SLC9A9: variants seen among roughly 807,000 people sequenced by gnomAD.
SLC9A9 encodes the protein solute carrier family 9 member A9.
In SLC9A9, 62 loss-of-function variants were observed where a neutral mutation model predicts 77.8. The observed-to-expected ratio is 0.80, with a 90% CI of 0.65 to 0.98. The LOEUF (loss-of-function observed/expected upper bound fraction) is 0.98. Ranked by LOEUF, SLC9A9 falls within the 50% of genes least tolerant of loss-of-function variation. The pLI is 0.00. For synonymous variants in SLC9A9, 320 were observed against 283.5 expected (o/e 1.13, Z -1.29); for missense variants, 775 against 774.9 (o/e 1.00, Z 0.00).
At chr3:143,449,881 T>G (rs2034957912) in intron 12 of SLC9A9, among the ~76,000 whole-genome samples, 1 of 79,298 alleles carries the variant, frequency 1.3e-5, no homozygotes, top group Admixed American at 2.4e-4. Flanking sequence ...TATAATTATA[T>G]AAATATATAA....
chr3:143,822,489 G>T (rs753575722), intron 2 of SLC9A9, among the ~76,000 whole-genome samples: 1 of 152,202 alleles, frequency 6.6e-6, no homozygotes, highest in Non-Finnish European at 1.5e-5. Context: ...CTCCAGGCAA[G>T]CTTAAAAGGC....
At chr3:143,510,081 GA>G (rs2036091035) in intron 9 of SLC9A9, among the ~76,000 whole-genome samples, 1 of 152,172 alleles carries the variant, frequency 6.6e-6, no homozygotes, top group Non-Finnish European at 1.5e-5. Flanking sequence ...GGATATGAAA[GA>G]AAGTTGATGT....
intron 11 of SLC9A9, among the ~76,000 whole-genome samples, chr3:143,484,118 T>C (rs1259845241): frequency 3.3e-5 from 5 of 152,244 alleles, no homozygotes; most frequent in African/African-American, 9.6e-5. Flanking sequence ...TCATCTAAAC[T>C]TATTCATGAA....
At chr3:143,282,206 C>T (rs534129312) in intron 14 of SLC9A9, among the ~76,000 whole-genome samples, 1 of 152,110 alleles carries the variant, frequency 6.6e-6, no homozygotes, top group South Asian at 2.1e-4. Flanking sequence ...AGTTGCTTCT[C>T]TTACCTTTAT....
At chr3:143,633,724 C>G (rs2038465869) in intron 6 of SLC9A9, among the ~76,000 whole-genome samples, 1 of 152,164 alleles carries the variant, frequency 6.6e-6, no homozygotes, top group African/African-American at 2.4e-5. Context: ...GCTATACACA[C>G]ACAAGATCTA....
chr3:143,754,276 A>G (rs533240706), intron 4 of SLC9A9, among the ~76,000 whole-genome samples: 1 of 152,200 alleles, frequency 6.6e-6, no homozygotes, highest in Admixed American at 6.5e-5. Flanking sequence ...AAAAGTCCCA[A>G]TATGGTAACC....
chr3:143,810,241 G>C (rs2008828699), intron 2 of SLC9A9, among the ~76,000 whole-genome samples: 1 of 152,164 alleles, frequency 6.6e-6, no homozygotes, highest in Non-Finnish European at 1.5e-5. Flanking sequence ...TATGTACCAA[G>C]TTAATTTCCA....
intron 6 of SLC9A9, among the ~76,000 whole-genome samples, chr3:143,619,259 C>A (rs1413664042): frequency 1.3e-5 from 2 of 152,152 alleles, no homozygotes; most frequent in East Asian, 3.9e-4. Context: ...AAATCCCAGA[C>A]AGTGTTCAGT....
intron 1 of SLC9A9, among the ~76,000 whole-genome samples, chr3:143,832,828 G>A (rs775778619): frequency 6.6e-6 from 1 of 151,766 alleles, no homozygotes; most frequent in Non-Finnish European, 1.5e-5. Context: ...CAGAACCTAG[G>A]TGTTGAAGGA....
chr3:143,276,623 G>A (rs1938056639), intron 14 of SLC9A9, among the ~76,000 whole-genome samples: 1 of 152,184 alleles, frequency 6.6e-6, no homozygotes, highest in African/African-American at 2.4e-5. Flanking sequence ...ATTGTTTTCT[G>A]TAGGGGCTTC....
At chr3:143,337,875 G>A (rs935295388) in intron 14 of SLC9A9, among the ~76,000 whole-genome samples, 1 of 152,172 alleles carries the variant, frequency 6.6e-6, no homozygotes, top group African/African-American at 2.4e-5. Flanking sequence ...ATCTGCCTGG[G>A]TTCTTTCTTG....
chr3:143,660,035 G>A (rs2038956492), intron 5 of SLC9A9, among the ~76,000 whole-genome samples: 1 of 152,198 alleles, frequency 6.6e-6, no homozygotes, highest in East Asian at 1.9e-4. Context: ...CACCATGATT[G>A]TGAGGCCTTC....
chr3:143,376,384 C>G (rs777151645), intron 13 of SLC9A9, among the ~76,000 whole-genome samples: 1 of 152,194 alleles, frequency 6.6e-6, no homozygotes, highest in Non-Finnish European at 1.5e-5. Flanking sequence ...GCCTTTAGTT[C>G]TGGCTCAGCC....
intron 2 of SLC9A9, among the ~76,000 whole-genome samples, chr3:143,814,915 A>G (rs568290933): frequency 9.2e-5 from 14 of 152,264 alleles, no homozygotes; most frequent in Admixed American, 3.3e-4. Flanking sequence ...GAGTGATGGC[A>G]AGGTAGGAAC....
intron 2 of SLC9A9, among the ~76,000 whole-genome samples, chr3:143,817,809 G>GATAGCTGTTTTATGTTTA: frequency 6.6e-6 from 1 of 151,962 alleles, no homozygotes; most frequent in Non-Finnish European, 1.5e-5. Context: ...TCTGTTATCT[G>GATAGCTGTTTTATGTTTA]ATAGCCTATT....
intron 12 of SLC9A9, among the ~76,000 whole-genome samples, chr3:143,405,443 C>T (rs1248141516): frequency 1.3e-5 from 2 of 152,100 alleles, no homozygotes; most frequent in Non-Finnish European, 2.9e-5. Flanking sequence ...GATACTCTAC[C>T]CTCTGAGCAG....
intron 11 of SLC9A9, among the ~76,000 whole-genome samples, chr3:143,485,486 A>G (rs770007079): frequency 1.7e-4 from 26 of 152,212 alleles, no homozygotes; most frequent in Non-Finnish European, 2.9e-4. Flanking sequence ...TGCAAGCCCA[A>G]GGAAAGGCAT....
intron 11 of SLC9A9, among the ~76,000 whole-genome samples, chr3:143,490,746 G>A (rs796123433): frequency 8.5e-5 from 13 of 152,242 alleles, no homozygotes; most frequent in African/African-American, 2.9e-4. Flanking sequence ...CTGTGGCTAT[G>A]AGTCTCAAAA....
chr3:143,720,034 T>C (rs1373999902), intron 4 of SLC9A9, among the ~76,000 whole-genome samples: 1 of 151,826 alleles, frequency 6.6e-6, no homozygotes, highest in Non-Finnish European at 1.5e-5. Flanking sequence ...CTAACCCTAA[T>C]AGTTGAAATT....
Sources: gnomAD v4.1 joint callset for allele counts (sites outside exome capture counted in the v4.1 genomes callset) on GRCh38, gnomAD v4.1.1 for gene constraint, MANE v1.5 for transcripts, NCBI Gene and HGNC (gene_info 2026-07-23, HGNC 2026-07-21) for gene names.